SLC24A2: variants seen among roughly 807,000 people sequenced by gnomAD.
SLC24A2 encodes solute carrier family 24 member 2, also known as sodium/potassium/calcium exchanger 2.
SLC24A2 carries 36 observed loss-of-function variants against 62.0 expected under a neutral mutation model. The observed-to-expected ratio is 0.58, with a 90% confidence interval of 0.44 to 0.77. The LOEUF (loss-of-function observed/expected upper bound fraction) is 0.77. Ranked by LOEUF, SLC24A2 falls within the 30% of genes least tolerant of loss-of-function variation. The pLI, the probability that SLC24A2 is intolerant of heterozygous loss-of-function variation, is 0.00. For missense variants in SLC24A2, 846 were observed against 817.9 expected, an observed-to-expected ratio of 1.03 and a Z score of -0.42; for synonymous variants, 358 against 294.0, an observed-to-expected ratio of 1.22 and a Z score of -2.23.
At chr9:20,173,521 C>G in the SLC24A2 span, among the ~76,000 whole-genome samples, 8 of 151,994 alleles carry the variant, frequency 5.3e-5, no homozygotes, top group Non-Finnish European at 1.2e-4. Flanking sequence ...ATCAGTAGCT[C>G]TCCTATACAC....
At chr9:20,132,214 T>C in the SLC24A2 span, among the ~76,000 whole-genome samples, 1 of 151,934 alleles carries the variant, frequency 6.6e-6, no homozygotes, top group Non-Finnish European at 1.5e-5. Context: ...GAACAGTTAT[T>C]TGGGCTTCAC....
At chr9:19,562,946 A>G (rs1489386033) in intron 7 of SLC24A2, among the ~76,000 whole-genome samples, 2 of 152,126 alleles carry the variant, frequency 1.3e-5, no homozygotes, top group Non-Finnish European at 2.9e-5. Flanking sequence ...TCTACAAAAG[A>G]TTTTAAAAAA....
At chr9:19,969,304 C>T in the SLC24A2 span, among the ~76,000 whole-genome samples, 1 of 151,826 alleles carries the variant, frequency 6.6e-6, no homozygotes, top group African/African-American at 2.4e-5. Context: ...CCACTCCCTC[C>T]CCCAAAACCT....
intron 2 of SLC24A2, among the ~76,000 whole-genome samples, chr9:19,736,719 G>A (rs534818647): frequency 3.0e-4 from 46 of 152,206 alleles, no homozygotes; most frequent in South Asian, 1.0e-3. Flanking sequence ...AAGTGTGGTC[G>A]TGTGCACCTG....
At chr9:20,049,533 A>T in the SLC24A2 span, among the ~76,000 whole-genome samples, 2 of 150,716 alleles carry the variant, frequency 1.3e-5, no homozygotes, top group Admixed American at 1.3e-4. Context: ...TGACACACTC[A>T]CACACAACTA....
At chr9:19,658,467 T>A (rs986857881) in intron 2 of SLC24A2, among the ~76,000 whole-genome samples, 1 of 152,166 alleles carries the variant, frequency 6.6e-6, no homozygotes, top group African/African-American at 2.4e-5. Context: ...AATAAAACAA[T>A]AGCTAACATT....
At chr9:19,822,896 G>C in the SLC24A2 span, among the ~76,000 whole-genome samples, 3 of 151,994 alleles carry the variant, frequency 2.0e-5, no homozygotes, top group Admixed American at 6.6e-5. Context: ...CAAAAAGCTG[G>C]AGAAGAAAGG....
At chr9:19,969,814 G>C in the SLC24A2 span, among the ~76,000 whole-genome samples, 12 of 152,300 alleles carry the variant, frequency 7.9e-5, no homozygotes, top group East Asian at 9.6e-4. Context: ...TTTTTGACCT[G>C]AGTCAAACAA....
chr9:20,206,095 T>C, the SLC24A2 span, among the ~76,000 whole-genome samples: 1 of 152,238 alleles, frequency 6.6e-6, no homozygotes, highest in Non-Finnish European at 1.5e-5. Context: ...CAATAAATTT[T>C]TATGTGACAG....
At chr9:19,902,501 T>G in the SLC24A2 span, among the ~76,000 whole-genome samples, 1 of 152,202 alleles carries the variant, frequency 6.6e-6, no homozygotes, top group African/African-American at 2.4e-5. Flanking sequence ...AGAAAACTCC[T>G]TATCCTCCTC....
intron 7 of SLC24A2, among the ~76,000 whole-genome samples, chr9:19,562,957 T>A (rs1835478017): frequency 6.6e-6 from 1 of 152,036 alleles, no homozygotes; most frequent in Non-Finnish European, 1.5e-5. Flanking sequence ...TTTTAAAAAA[T>A]TAACTGGGCA....
the SLC24A2 span, among the ~76,000 whole-genome samples, chr9:19,800,647 A>T: frequency 6.6e-6 from 1 of 152,292 alleles, no homozygotes; most frequent in East Asian, 1.9e-4. Flanking sequence ...TACTACATTT[A>T]CTGAAAGACT....
At chr9:19,701,548 A>C (rs1474093977) in intron 2 of SLC24A2, among the ~76,000 whole-genome samples, 2 of 152,202 alleles carry the variant, frequency 1.3e-5, no homozygotes, top group Non-Finnish European at 2.9e-5. Context: ...AGGAAACATG[A>C]ATTTATTACT....
chr9:19,765,424 G>C (rs1587291270), intron 2 of SLC24A2, among the ~76,000 whole-genome samples: 1 of 152,194 alleles, frequency 6.6e-6, no homozygotes. Flanking sequence ...TGTTTTTGCA[G>C]TGGCTGGTAC....
the SLC24A2 span, among the ~76,000 whole-genome samples, chr9:20,008,410 T>G: frequency 6.6e-6 from 1 of 152,280 alleles, no homozygotes; most frequent in Admixed American, 6.5e-5. Flanking sequence ...ATATTCTCTA[T>G]TGGTTTTAGA....
chr9:20,298,276 C>T, the SLC24A2 span, among the ~76,000 whole-genome samples: 1 of 152,250 alleles, frequency 6.6e-6, no homozygotes, highest in Non-Finnish European at 1.5e-5. Context: ...GCCACCCAGG[C>T]TGGAGTGCAG....
At chr9:20,051,657 C>CTCTTTTTTTTTTTTTTTTTTTTT in the SLC24A2 span, among the ~76,000 whole-genome samples, 141 of 73,486 alleles carry the variant, frequency 1.9e-3, 4 homozygotes, top group East Asian at 5.0e-3. Flanking sequence ...TTTTCTTTCT[C>CTCTTTTTTTTTTTTTTTTTTTTT]TTTTTTTTTT....
the SLC24A2 span, among the ~76,000 whole-genome samples, chr9:19,842,428 C>G: frequency 6.6e-6 from 1 of 152,126 alleles, no homozygotes; most frequent in South Asian, 2.1e-4. Context: ...AGAATGGGCT[C>G]TATTATACAG....
rs182030039 is a variant in SLC24A2 at position 19,679,934 on chromosome 9, C to G, written c.931-57635G>C. On this transcript the variant is annotated intron_variant, in intron 2 of 10. Coordinates refer to ENST00000341998, the MANE Select transcript of SLC24A2 (RefSeq NM_020344.4). ...ATTGGTTCTGTTTCTCTGGAGAACC[C>G]TAACCACATAAATGGTTGCCATTCT... 2.0e-3 allele frequency among the ~76,000 whole-genome samples: 297 copies of G among 151,760 alleles called. 1 individual carries two copies. The highest frequency in any genetic ancestry group is 3.1e-3 in the Non-Finnish European group (208 of 67,946).
Sources: allele counts gnomAD v4.1 joint callset (sites outside exome capture counted in the v4.1 genomes callset), GRCh38; gene constraint gnomAD v4.1.1; transcripts MANE v1.5; gene names NCBI Gene and HGNC (gene_info 2026-07-23, HGNC 2026-07-21).